Variants in NUP98 observed in about 807,000 individuals in gnomAD.
The protein encoded by NUP98 is nuclear pore complex protein Nup98-Nup96.
In NUP98, 26 loss-of-function variants were observed where a neutral mutation model predicts 191.9. The observed-to-expected ratio is 0.14, with a 90% CI of 0.10 to 0.19. The LOEUF is 0.19. NUP98 is among the 10% of genes least tolerant of loss of function. NUP98 has a pLI of 1.00. For missense variants in NUP98, 1,941 were observed against 2,178.8 expected, an observed-to-expected ratio of 0.89 and a Z score of 2.17; for synonymous variants, 808 against 778.4, an observed-to-expected ratio of 1.04 and a Z score of -0.63.
At chr11:3,791,049 C>G (rs999441981) in intron 1 of NUP98, among the ~76,000 whole-genome samples, 13 of 151,984 alleles carry the variant, frequency 8.6e-5, no homozygotes, top group African/African-American at 1.7e-4. Flanking sequence ...GCGCCCGCCA[C>G]CACGCCCAGC....
Position 3,713,939 on chromosome 11 carries a change from A to G in NUP98, c.2456T>C (p.Leu819Ser), listed in dbSNP as rs781305229. The G allele has an allele frequency of 6.2e-7, 1 of 1,614,138 alleles. No homozygotes were observed. Among genetic ancestry groups the G allele is most frequent in the East Asian group, 2.2e-5 (1 of 44,882 alleles). ...AGCAAGGCGATCTGGGCTCTTTATT[A>G]AACAACGAGATGTTTTATCTGTTGG... The part of the protein sequence containing the change: ...VWPTDKTSRC[L>S]IKSPDRLADI... The change falls in exon 19 of 33, where the codon TTA becomes TCA. Residue 819 changes from leucine to serine, a missense_variant. This residue lies in a region of NUP98 where 95 missense variants were observed against 139.7 expected (regional missense o/e 0.68). Coordinates refer to ENST00000324932, the MANE Select transcript of NUP98 (RefSeq NM_016320.5).
Position 3,675,604 on chromosome 11 carries a change from T to C in NUP98, c.*555A>G, listed in dbSNP as rs1405792497. On this transcript the variant is annotated 3_prime_UTR_variant, in exon 33 of 33. Coordinates refer to ENST00000324932, the MANE Select transcript of NUP98 (RefSeq NM_016320.5). ...GACAGGCATTCACTTCTGCCCTAAG[T>C]GTGTCAGAAAGATCCCATTTTGTTT... 6 of 240,408 alleles carry C rather than the reference T, an allele frequency of 2.5e-5. No homozygotes were observed. In the East Asian group the frequency reaches 3.0e-4, roughly 12 times the overall value. The allele number at this position is 240,408 out of a possible 1,614,324, so 14.9% of individuals were successfully genotyped here.
Position 3,762,882 on chromosome 11 carries a change from A to G in NUP98, c.1086+20T>C, listed in dbSNP as rs773818673. On this transcript the variant is annotated intron_variant, in intron 9 of 32. Coordinates refer to ENST00000324932, the MANE Select transcript of NUP98 (RefSeq NM_016320.5). ...AAATTTACACACATCTTCAAATTAC[A>G]GTCAACTGCAGAAACCTACCGAACC... 1 of 1,607,592 alleles carries G rather than the reference A, an allele frequency of 6.2e-7. No individual in the cohort carries two copies. The highest frequency in any genetic ancestry group is 1.3e-5 in the African/African-American group (1 of 74,618).
At chr11:3,767,116 C>A (rs953960473) in intron 8 of NUP98, among the ~76,000 whole-genome samples, 3 of 152,096 alleles carry the variant, frequency 2.0e-5, no homozygotes, top group Non-Finnish European at 4.4e-5. Context: ...TCACCCGCCA[C>A]CCAGCCCAGC....
chr11:3,779,306 G>C, intron 2 of NUP98, 49 bp from the exon 3 acceptor site: 4 of 1,354,564 alleles, frequency 3.0e-6, no homozygotes, highest in Admixed American at 3.4e-5. Context: ...TAAAATCTAC[G>C]TAAGATGACC....
intron 25 of NUP98, 66 bp from the exon 26 acceptor site, chr11:3,695,672 G>T: frequency 1.8e-6 from 2 of 1,120,402 alleles, no homozygotes; most frequent in Admixed American, 3.3e-5. Context: ...AACACTTGGG[G>T]GCATTATCTT....
chr11:3,676,436 C>T, intron 32 of NUP98, 60 bp from the exon 33 acceptor site: 1 of 1,604,380 alleles, frequency 6.2e-7, no homozygotes, highest in South Asian at 1.1e-5. Flanking sequence ...GTGGTAGGCA[C>T]TGAGGGTGGG....
At chr11:3,761,992 T>G (rs2081187883) in intron 9 of NUP98, among the ~76,000 whole-genome samples, 1 of 152,122 alleles carries the variant, frequency 6.6e-6, no homozygotes, top group African/African-American at 2.4e-5. Context: ...TAGAATGTCT[T>G]GAAGCATTAT....
intron 5 of NUP98, 87 bp from the exon 6 acceptor site, chr11:3,773,826 A>G (rs1213712331): frequency 9.5e-6 from 7 of 738,100 alleles, no homozygotes; most frequent in African/African-American, 3.5e-5. Flanking sequence ...CTGAACTCTA[A>G]AACTAGTCCC....
Position 3,720,873 on chromosome 11 carries a change from A to T in NUP98, c.2147-48T>A, listed in dbSNP as rs1027789117. On this transcript the variant is annotated intron_variant, in intron 16 of 32. Coordinates refer to ENST00000324932, the MANE Select transcript of NUP98 (RefSeq NM_016320.5). Reference sequence around the variant, plus strand: ...AACAGAAAAAAAAATAACCTGAAATAATCAGCAACTAAATCATCATATAAA... The same window carrying T: ...AACAGAAAAAAAAATAACCTGAAATTATCAGCAACTAAATCATCATATAAA... 1.0e-5 allele frequency: 8 copies of T among 787,950 alleles called. No individual in the cohort carries two copies. In the African/African-American group the frequency reaches 1.1e-4, roughly 11 times the overall value. The allele number at this position is 787,950 out of a possible 1,614,324, so 48.8% of individuals were successfully genotyped here. A position where few individuals can be genotyped will look rare whatever the true frequency, so the allele number is the denominator to read the frequency against.
intron 12 of NUP98, among the ~76,000 whole-genome samples, chr11:3,742,226 C>T (rs1441180335): frequency 6.6e-6 from 1 of 151,988 alleles, no homozygotes; most frequent in Non-Finnish European, 1.5e-5. Context: ...GTGGTAATAC[C>T]AGGGAAAATA....
chr11:3,728,959 C>A (rs1390023174), intron 14 of NUP98, among the ~76,000 whole-genome samples: 1 of 151,970 alleles, frequency 6.6e-6, no homozygotes, highest in African/African-American at 2.4e-5. Flanking sequence ...AATTTCTGAC[C>A]GGAGCAACTA....
intron 18 of NUP98, 50 bp from the exon 19 acceptor site, chr11:3,714,045 T>C (rs2079100265): frequency 8.3e-6 from 13 of 1,565,772 alleles, no homozygotes; most frequent in Non-Finnish European, 1.1e-5. Flanking sequence ...AAGCGCTTCA[T>C]ATATAAGACC....
chr11:3,678,587 G>GT (rs1255472825), intron 31 of NUP98, among the ~76,000 whole-genome samples: 4 of 152,152 alleles, frequency 2.6e-5, no homozygotes, highest in Admixed American at 6.5e-5. Flanking sequence ...ATCTTAAAAG[G>GT]ATGAGTTTAA....
chr11:3,757,792 T>A (rs2081026083), intron 10 of NUP98, among the ~76,000 whole-genome samples: 1 of 151,744 alleles, frequency 6.6e-6, no homozygotes, highest in African/African-American at 2.4e-5. Flanking sequence ...AGAGCGAAAC[T>A]CCGTCTCAAA....
At position 3,735,570 on chromosome 11, in the gene NUP98, T is replaced by C. The variant is rs143579780; in HGVS notation, c.1409-246A>G. Among the ~76,000 whole-genome samples, 134 of 152,222 alleles carry C rather than the reference T, an allele frequency of 8.8e-4. 1 individual carries two copies. Among genetic ancestry groups the C allele is most frequent in the African/African-American group, 3.0e-3 (125 of 41,540 alleles). On this transcript the variant is annotated intron_variant, in intron 12 of 32. Transcript: ENST00000324932. ...GATACAATACTCATATAAATTCACT[T>C]ACACAGTGTTCACTGTCACTACTAA...
chr11:3,714,644 T>C (rs1564835116), intron 18 of NUP98: 2 of 162,644 alleles, frequency 1.2e-5, no homozygotes, highest in Non-Finnish European at 2.6e-5. Flanking sequence ...TACATCACAA[T>C]ATAGTACTTG....
intron 28 of NUP98, among the ~76,000 whole-genome samples, chr11:3,689,777 A>T (rs2078249043): frequency 6.6e-6 from 1 of 151,464 alleles, no homozygotes; most frequent in Non-Finnish European, 1.5e-5. Context: ...AGTAGCTGGG[A>T]CTACACACTA....
intron 9 of NUP98, among the ~76,000 whole-genome samples, chr11:3,761,569 C>T (rs1438275818): frequency 6.6e-6 from 1 of 152,110 alleles, no homozygotes; most frequent in African/African-American, 2.4e-5. Context: ...ACCAGCCTGG[C>T]CACCATGGTG....
Sources: allele counts gnomAD v4.1 joint callset (sites outside exome capture counted in the v4.1 genomes callset), GRCh38; gene constraint gnomAD v4.1.1; regional missense constraint gnomAD v4.1.1; transcripts MANE v1.5; gene names NCBI Gene and HGNC (gene_info 2026-07-23, HGNC 2026-07-21).